Variants in TRPM3 observed in about 807,000 individuals in gnomAD.
TRPM3 encodes the protein long transient receptor potential channel 3.
Under a neutral mutation model 181.2 loss-of-function variants are expected in TRPM3, and 77 were observed. The ratio of observed to expected loss-of-function variants is 0.42; its 90% CI spans 0.35 to 0.51. The LOEUF (loss-of-function observed/expected upper bound fraction) is 0.51, where lower values mean the gene tolerates loss of function less well. Ranked by LOEUF, TRPM3 falls within the 20% of genes least tolerant of loss-of-function variation. TRPM3 has a pLI of 0.01. For synonymous variants in TRPM3, 745 were observed against 796.4 expected, an observed-to-expected ratio of 0.94 and a Z score of 1.09; for missense variants, 1,759 against 2,196.7, an observed-to-expected ratio of 0.80 and a Z score of 3.98.
chr9:71,334,197 T>C (rs1253833468), intron 1 of TRPM3, among the ~76,000 whole-genome samples: 5 of 151,858 alleles, frequency 3.3e-5, no homozygotes, highest in African/African-American at 1.2e-4. Flanking sequence ...AAAAAAATTA[T>C]AACTAAGTAA....
chr9:70,961,383 A>G (rs2097135166), intron 1 of TRPM3, among the ~76,000 whole-genome samples: 1 of 152,196 alleles, frequency 6.6e-6, no homozygotes, highest in African/African-American at 2.4e-5. Context: ...TGCCATCTTA[A>G]GCTGTTAAGT....
At chr9:70,634,335 G>A (rs935516693) in intron 12 of TRPM3, among the ~76,000 whole-genome samples, 3 of 152,084 alleles carry the variant, frequency 2.0e-5, no homozygotes, top group Non-Finnish European at 2.9e-5. Context: ...GGCTGGCCTT[G>A]AACTCGACCT....
chr9:70,778,013 A>G (rs1302595856), intron 7 of TRPM3, among the ~76,000 whole-genome samples: 1 of 151,426 alleles, frequency 6.6e-6, no homozygotes, highest in South Asian at 2.1e-4. Context: ...ACACACACAC[A>G]AAACACTGCC....
chr9:70,823,163 C>T (rs931979641), intron 6 of TRPM3, among the ~76,000 whole-genome samples: 5 of 152,140 alleles, frequency 3.3e-5, no homozygotes, highest in African/African-American at 4.8e-5. Flanking sequence ...TACACACACA[C>T]GCAAAATCCA....
At chr9:71,151,927 C>A (rs1243705348) in intron 1 of TRPM3, among the ~76,000 whole-genome samples, 1 of 152,080 alleles carries the variant, frequency 6.6e-6, no homozygotes. Flanking sequence ...CTTCAACTAT[C>A]TGCCATCAAC....
chr9:70,603,302 AC>A, intron 20 of TRPM3, 39 bp downstream of exon 20: 1 of 1,599,906 alleles, frequency 6.3e-7, no homozygotes, highest in Non-Finnish European at 8.5e-7. Context: ...GAACTTAACC[AC>A]TGTCTTTCTC....
intron 20 of TRPM3, among the ~76,000 whole-genome samples, chr9:70,601,929 A>C (rs2060063791): frequency 6.6e-6 from 1 of 152,186 alleles, no homozygotes; most frequent in African/African-American, 2.4e-5. Flanking sequence ...CAGCACAGCC[A>C]CAGGGCCCCA....
chr9:70,858,082 C>G (rs147727048), intron 3 of TRPM3, among the ~76,000 whole-genome samples: 1 of 152,324 alleles, frequency 6.6e-6, no homozygotes, highest in East Asian at 1.9e-4. Flanking sequence ...TCTACCCAGA[C>G]TCCTGCAGAG....
intron 15 of TRPM3, 58 bp from the exon 16 acceptor site, chr9:70,620,423 A>G: frequency 6.5e-7 from 1 of 1,536,342 alleles, no homozygotes; most frequent in Non-Finnish European, 8.8e-7. Flanking sequence ...TCATTTCAGC[A>G]AGTAGCAGTT....
intron 1 of TRPM3, among the ~76,000 whole-genome samples, chr9:71,095,262 C>A (rs549911973): frequency 6.6e-6 from 1 of 152,102 alleles, no homozygotes. Flanking sequence ...ATTAAATGAA[C>A]GCAGAAGGGG....
chr9:70,742,817 A>G (rs2074406474), intron 8 of TRPM3, among the ~76,000 whole-genome samples: 1 of 152,262 alleles, frequency 6.6e-6, no homozygotes, highest in African/African-American at 2.4e-5. Flanking sequence ...ATGAGGCTTT[A>G]TCAGTTGTAG....
chr9:70,637,538 A>AT lies in TRPM3; in HGVS notation c.1581+1521dup, dbSNP rs898543369. Among the ~76,000 whole-genome samples the AT allele has an allele frequency of 1.7e-4, 25 of 146,948 alleles. No homozygotes were observed. In the East Asian group the frequency reaches 2.4e-3, roughly 14 times the overall value. On this transcript the variant is annotated intron_variant, in intron 11 of 25. Coordinates refer to ENST00000677713, the MANE Select transcript of TRPM3 (RefSeq NM_001366145.2). ...ATTCAATGCTTGTCTTTATTTATTT[A>AT]TTTTTTTTAATTGAAAACCCATTAT...
intron 1 of TRPM3, among the ~76,000 whole-genome samples, chr9:70,974,119 C>A (rs1469750092): frequency 2.0e-5 from 3 of 152,174 alleles, no homozygotes; most frequent in Non-Finnish European, 4.4e-5. Flanking sequence ...TGAAGGAATT[C>A]TTTCTCTTTG....
At chr9:70,883,761 C>A (rs147551558) in intron 1 of TRPM3, among the ~76,000 whole-genome samples, 8 of 152,170 alleles carry the variant, frequency 5.3e-5, no homozygotes, top group African/African-American at 1.4e-4. Flanking sequence ...AAGCTGACAT[C>A]GAGGGGCGAT....
intron 1 of TRPM3, among the ~76,000 whole-genome samples, chr9:71,028,343 T>C (rs2056846998): frequency 6.6e-6 from 1 of 152,114 alleles, no homozygotes; most frequent in Admixed American, 6.6e-5. Flanking sequence ...GAAAAGATTG[T>C]TACCAGCCAC....
chr9:70,845,413 C>T (rs1293067952), intron 4 of TRPM3, among the ~76,000 whole-genome samples: 2 of 151,896 alleles, frequency 1.3e-5, no homozygotes, highest in Non-Finnish European at 2.9e-5. Context: ...CTAATTTTTG[C>T]ATTCTTAGTA....
chr9:71,428,938 T>C (rs1489850005), intron 1 of TRPM3, among the ~76,000 whole-genome samples: 1 of 113,088 alleles, frequency 8.8e-6, no homozygotes, highest in Non-Finnish European at 1.9e-5. Context: ...AGTGGGACCC[T>C]GTTTCAAAGG....
At chr9:71,210,041 G>A (rs188513156) in intron 1 of TRPM3, among the ~76,000 whole-genome samples, 431 of 152,292 alleles carry the variant, frequency 2.8e-3, no homozygotes, top group Non-Finnish European at 3.7e-3. Flanking sequence ...GGAACTGGGC[G>A]GCACAGCAGG....
chr9:71,055,465 G>A (rs1206072575), intron 1 of TRPM3, among the ~76,000 whole-genome samples: 1 of 152,030 alleles, frequency 6.6e-6, no homozygotes, highest in Non-Finnish European at 1.5e-5. Flanking sequence ...GCAAAAACAA[G>A]GTGTCCAGCT....
Sources: gnomAD v4.1 joint callset for allele counts (sites outside exome capture counted in the v4.1 genomes callset) on GRCh38, gnomAD v4.1.1 for gene constraint, MANE v1.5 for transcripts, NCBI Gene and HGNC (gene_info 2026-07-23, HGNC 2026-07-21) for gene names.